CKAP2: variants seen among roughly 807,000 people sequenced by gnomAD.
The protein encoded by CKAP2 is cytoskeleton associated protein 2.
In CKAP2, 46 loss-of-function variants were observed where a neutral mutation model predicts 58.4. The ratio of observed to expected loss-of-function variants is 0.79; its 90% confidence interval spans 0.62 to 1.01. CKAP2 has a LOEUF of 1.01. Among genes scored for constraint, CKAP2 ranks in the 50% least tolerant of loss-of-function variants. CKAP2 has a pLI of 0.00. For synonymous variants in CKAP2, 293 were observed against 280.9 expected (o/e 1.04, Z -0.43); for missense variants, 809 against 796.4 (o/e 1.02, Z -0.19).
Position 52,462,440 on chromosome 13 carries a change from A to C in CKAP2, c.1178A>C (p.Glu393Ala). Reference protein sequence around the residue: ...RPPNSVVTQHEPAGQNEKPVG... With the variant: ...RPPNSVVTQHAPAGQNEKPVG... Reference sequence around the variant, plus strand: ...CCTAATTCAGTAGTTACTCAGCATGAGCCTGCAGGACAAAATGAAAAACCA... The same window carrying C: ...CCTAATTCAGTAGTTACTCAGCATGCGCCTGCAGGACAAAATGAAAAACCA... The change falls in exon 5 of 9, where the codon GAG becomes GCG. Residue 393 changes from glutamate (E) to alanine (A), a missense_variant. Physicochemically the swap from Glu to Ala is moderately radical, Grantham distance 107. This residue lies in a region of CKAP2 where 523 missense variants were observed against 492.4 expected (regional missense o/e 1.06). Transcript: ENST00000258607. 6.2e-7 allele frequency: 1 copy of C among 1,614,140 alleles called. No individual in the cohort carries two copies. Among genetic ancestry groups the C allele is most frequent in the Non-Finnish European group, 8.5e-7 (1 of 1,180,006 alleles).
intron 1 of CKAP2, chr13:52,455,965 G>A: frequency 9.0e-7 from 1 of 1,109,008 alleles, no homozygotes; most frequent in Non-Finnish European, 1.1e-6. Context: ...CAGGTTCAGG[G>A]ACCGACTGCG....
intron 6 of CKAP2, chr13:52,465,906 T>TATATATACACACAC (rs1566102039): frequency 3.2e-5 from 9 of 278,020 alleles, no homozygotes; most frequent in South Asian, 3.3e-5. Flanking sequence ...CTCATATATG[T>TATATATACACACAC]ATATATATAC....
intron 4 of CKAP2, 130 bp from the exon 5 acceptor site, chr13:52,462,233 C>T: frequency 1.3e-6 from 1 of 770,938 alleles, no homozygotes; most frequent in Non-Finnish European, 2.0e-6. Context: ...TTTAATATTT[C>T]TTCAAGCTTG....
chr13:52,455,917 T>C, intron 1 of CKAP2: 1 of 1,149,846 alleles, frequency 8.7e-7, no homozygotes, highest in Non-Finnish European at 1.1e-6. Context: ...CCGGGGTCGG[T>C]GTCGGAGACC....
rs567527266 is a variant in CKAP2, at chr13:52,455,955, C to T, written c.70+329C>T. On this transcript the variant is annotated intron_variant, in intron 1 of 8. Coordinates refer to ENST00000258607, the MANE Select transcript of CKAP2 (RefSeq NM_018204.5). ...GGGTCCGCTTGGGGGCGGGGCTGCA[C>T]AGGTTCAGGGACCGACTGCGCCTGC... 25 of 1,133,238 alleles carry T rather than the reference C, an allele frequency of 2.2e-5. No individual in the cohort carries two copies. The East Asian group carries it at 1.1e-3, about 52-fold the overall frequency. The allele number at this position is 1,133,238 out of a possible 1,614,324, so 70.2% of individuals were successfully genotyped here.
chr13:52,463,752 T>C (rs569783191), intron 5 of CKAP2, among the ~76,000 whole-genome samples: 3 of 152,328 alleles, frequency 2.0e-5, no homozygotes, highest in Admixed American at 6.5e-5. Flanking sequence ...TTTTAAGATA[T>C]TTACTTCAGA....
chr13:52,456,748 T>C (rs899403244), intron 2 of CKAP2, 141 bp downstream of exon 2: 1 of 639,510 alleles, frequency 1.6e-6, no homozygotes, highest in African/African-American at 1.8e-5. Context: ...ATTTTACGTC[T>C]TTTTGTGGTA....
intron 6 of CKAP2, among the ~76,000 whole-genome samples, chr13:52,467,319 T>G (rs988158318): frequency 6.6e-6 from 1 of 152,138 alleles, no homozygotes; most frequent in Non-Finnish European, 1.5e-5. Context: ...CCTTAGCTCT[T>G]CAGAGATACA....
At chr13:52,460,821 G>T in intron 2 of CKAP2, 78 bp from the exon 3 acceptor site, 1 of 1,187,468 alleles carries the variant, frequency 8.4e-7, no homozygotes, top group Non-Finnish European at 1.2e-6. Context: ...TGTTAACATT[G>T]CCCTCTTCTT....
At chr13:52,466,516 G>A (rs1477661509) in intron 6 of CKAP2, among the ~76,000 whole-genome samples, 1 of 152,218 alleles carries the variant, frequency 6.6e-6, no homozygotes, top group East Asian at 1.9e-4. Context: ...CTGGAGGGGA[G>A]TGTTAGGCCC....
intron 2 of CKAP2, among the ~76,000 whole-genome samples, chr13:52,458,859 A>G (rs528281265): frequency 1.7e-3 from 247 of 147,878 alleles, no homozygotes; most frequent in African/African-American, 5.8e-3. Context: ...CTTTGTCTCA[A>G]AAAAAAAAAA....
At position 52,461,137 on chromosome 13, in the gene CKAP2, C is replaced by G. The variant is rs749162412; in HGVS notation, c.311C>G (p.Pro104Arg). 2 of 1,612,646 alleles carry G rather than the reference C, an allele frequency of 1.2e-6. No individual in the cohort carries two copies. The highest frequency in any genetic ancestry group is 2.2e-5 in the South Asian group (2 of 90,538). ...GGGAAACATTGTATTCCTTTAAAAC[C>G]TTCAAATGAACTAACCAATTCAACT... Reference protein sequence around the residue: ...VVGKHCIPLKPSNELTNSTVV... With the variant: ...VVGKHCIPLKRSNELTNSTVV... The change falls in exon 4 of 9, where the codon CCT becomes CGT. Residue 104 changes from proline (P) to arginine (R), a missense_variant. Transcript: ENST00000258607.
At chr13:52,458,270 C>G (rs570838942) in intron 2 of CKAP2, among the ~76,000 whole-genome samples, 1 of 152,122 alleles carries the variant, frequency 6.6e-6, no homozygotes, top group South Asian at 2.1e-4. Context: ...GAGGTACCAA[C>G]CAGACATCCA....
chr13:52,473,704 G>A, intron 7 of CKAP2, 125 bp from the exon 8 acceptor site: 2 of 782,614 alleles, frequency 2.6e-6, no homozygotes, highest in East Asian at 2.5e-5. Context: ...AAAAGGAATG[G>A]TTCAGAGATG....
intron 2 of CKAP2, among the ~76,000 whole-genome samples, chr13:52,459,950 TC>T (rs769737284): frequency 2.6e-5 from 4 of 152,054 alleles, no homozygotes; most frequent in Non-Finnish European, 5.9e-5. Flanking sequence ...CTGCCTCAAC[TC>T]CCAGGCTCAA....
At chr13:52,465,242 T>A in intron 5 of CKAP2, 53 bp from the exon 6 acceptor site, 1 of 1,481,716 alleles carries the variant, frequency 6.7e-7, no homozygotes, top group East Asian at 2.3e-5. Flanking sequence ...TCAATTATTG[T>A]TCCCACTTTG....
Position 52,461,901 on chromosome 13 carries a change from C to T in CKAP2, c.1075C>T (p.Pro359Ser), listed in dbSNP as rs1958591036. 5.6e-6 allele frequency: 9 copies of T among 1,601,336 alleles called. No individual in the cohort carries two copies. The highest frequency in any genetic ancestry group is 7.7e-6 in the Non-Finnish European group (9 of 1,176,254). ...KAIVDSRSAQ[P>S]KETSEERKAR... ...AATTGTTGATAGTAGATCAGCTCAG[C>T]CCAAAGAAACCTCGGAAGAGAGAAA... The change falls in exon 4 of 9, where the codon CCC (proline) becomes TCC (serine). Residue 359 changes from proline (P) to serine (S), a missense_variant. By Grantham distance (74) the Pro-to-Ser change is moderately conservative. Coordinates refer to ENST00000258607, the MANE Select transcript of CKAP2 (RefSeq NM_018204.5).
chr13:52,468,776 A>T (rs576349457), intron 7 of CKAP2, among the ~76,000 whole-genome samples: 1 of 152,332 alleles, frequency 6.6e-6, no homozygotes, highest in Admixed American at 6.5e-5. Context: ...CCAGTCTATC[A>T]TTGATGGGCA....
chr13:52,458,139 G>C (rs1222900951), intron 2 of CKAP2, among the ~76,000 whole-genome samples: 1 of 152,088 alleles, frequency 6.6e-6, no homozygotes, highest in Non-Finnish European at 1.5e-5. Context: ...CTTTGTTTAA[G>C]ACAAAAAGGT....
Sources: gnomAD v4.1 joint callset for allele counts (sites outside exome capture counted in the v4.1 genomes callset) on GRCh38, gnomAD v4.1.1 for gene constraint, gnomAD v4.1.1 regional missense constraint, MANE v1.5 for transcripts, NCBI Gene and HGNC (gene_info 2026-07-23, HGNC 2026-07-21) for gene names.